Variants in ADGRL3 observed in about 807,000 individuals in gnomAD.
The protein encoded by ADGRL3 is adhesion G protein-coupled receptor L3.
ADGRL3 carries 62 observed loss-of-function variants against 153.5 expected under a neutral mutation model. The ratio of observed to expected loss-of-function variants is 0.40; its 90% CI spans 0.33 to 0.50. The LOEUF is 0.50. ADGRL3 is among the 20% of genes least tolerant of loss of function. The probability of loss-of-function intolerance (pLI) is 0.47; values close to 1 mark genes in which losing one functional copy is unlikely to be tolerated. For missense variants in ADGRL3, 1,641 were observed against 1,859.4 expected (o/e 0.88, Z 2.16); for synonymous variants, 710 against 672.5 (o/e 1.06, Z -0.86).
intron 8 of ADGRL3, among the ~76,000 whole-genome samples, chr4:61,761,423 G>A (rs1030083339): frequency 6.6e-6 from 1 of 152,142 alleles, no homozygotes; most frequent in Non-Finnish European, 1.5e-5. Context: ...GCATGATCTT[G>A]GGTTAGTTTT....
intron 1 of ADGRL3, among the ~76,000 whole-genome samples, chr4:61,219,810 A>C (rs1378786676): frequency 6.6e-6 from 1 of 152,108 alleles, no homozygotes; most frequent in African/African-American, 2.4e-5. Context: ...CAAACCTCTG[A>C]AAATATAAAG....
At chr4:61,865,027 T>C (rs1256263043) in intron 9 of ADGRL3, among the ~76,000 whole-genome samples, 2 of 152,206 alleles carry the variant, frequency 1.3e-5, no homozygotes, top group Non-Finnish European at 2.9e-5. Context: ...TAGGGTAAAC[T>C]ATAGAAGCTC....
At chr4:62,005,813 T>G (rs1581841480) in intron 21 of ADGRL3, among the ~76,000 whole-genome samples, 1 of 151,192 alleles carries the variant, frequency 6.6e-6, no homozygotes, top group East Asian at 1.9e-4. Flanking sequence ...ATATTTTAAT[T>G]TTAATTTTAA....
rs150161623 is a variant in ADGRL3, at chr4:61,656,361, GT to G, written c.474-20464del. ...AAGTACAATGAAGGTACTTTTTTTT[GT>G]GGGGGGGGTGAAATATACAAAAGCC... On this transcript the variant is annotated intron_variant, in intron 5 of 26. Transcript: ENST00000683033. Among the ~76,000 whole-genome samples, 131 of 151,408 alleles carry G rather than the reference GT, an allele frequency of 8.7e-4. 2 individuals are homozygous for G. The highest frequency in any genetic ancestry group is 3.1e-3 in the African/African-American group (128 of 41,114).
At chr4:62,005,102 T>G (rs1415443625) in intron 21 of ADGRL3, among the ~76,000 whole-genome samples, 1 of 152,170 alleles carries the variant, frequency 6.6e-6, no homozygotes, top group African/African-American at 2.4e-5. Context: ...CTGATTGCCT[T>G]AATTTTAGCA....
In ADGRL3 at chr4:61,396,790, C is replaced by G. The variant is rs184398665; in HGVS notation, c.-174+13601C>G. Among the ~76,000 whole-genome samples the G allele has an allele frequency of 1.8e-4, 28 of 151,808 alleles. No individual in the cohort carries two copies. The East Asian group carries it at 5.4e-3, about 29-fold the overall frequency. ...AAATGGATTCATTTATAATTCAATGCTAATAACATGTATTTTCATAGTACT... is the reference window on the plus strand; with the variant it reads ...AAATGGATTCATTTATAATTCAATGGTAATAACATGTATTTTCATAGTACT... On this transcript the variant is annotated intron_variant, in intron 2 of 26. Coordinates refer to ENST00000683033, the MANE Select transcript of ADGRL3 (RefSeq NM_001387552.1).
chr4:61,616,577 C>T (rs192780040), intron 5 of ADGRL3, among the ~76,000 whole-genome samples: 3 of 152,212 alleles, frequency 2.0e-5, no homozygotes, highest in African/African-American at 7.2e-5. Context: ...AACAGTGCTG[C>T]CAGTTGGAAA....
At chr4:61,630,215 A>G (rs984416492) in intron 5 of ADGRL3, among the ~76,000 whole-genome samples, 5 of 152,190 alleles carry the variant, frequency 3.3e-5, no homozygotes, top group African/African-American at 4.8e-5. Context: ...TACACATGTA[A>G]TATTTCAGGC....
At chr4:61,581,717 A>G (rs1365658531) in intron 4 of ADGRL3, among the ~76,000 whole-genome samples, 1 of 152,068 alleles carries the variant, frequency 6.6e-6, no homozygotes, top group African/African-American at 2.4e-5. Flanking sequence ...TTGTATATTT[A>G]ACTTCCTACC....
chr4:61,884,497 T>C (rs2098525828), intron 9 of ADGRL3, among the ~76,000 whole-genome samples: 2 of 152,326 alleles, frequency 1.3e-5, no homozygotes, highest in South Asian at 4.1e-4. Flanking sequence ...AACAGTTTTT[T>C]CCTTAGGTGG....
intron 2 of ADGRL3, among the ~76,000 whole-genome samples, chr4:61,433,133 C>T (rs2097396260): frequency 6.6e-6 from 1 of 151,988 alleles, no homozygotes. Flanking sequence ...GTTATGGGCT[C>T]ATTATATATA....
At chr4:61,770,803 A>T (rs1231190620) in intron 8 of ADGRL3, among the ~76,000 whole-genome samples, 1 of 152,218 alleles carries the variant, frequency 6.6e-6, no homozygotes, top group African/African-American at 2.4e-5. Context: ...CATATTTCCA[A>T]CTAAAATGGA....
intron 4 of ADGRL3, among the ~76,000 whole-genome samples, chr4:61,520,464 ACTC>A (rs2098523256): frequency 6.6e-6 from 1 of 152,008 alleles, no homozygotes; most frequent in Non-Finnish European, 1.5e-5. Context: ...CATCTGAAAA[ACTC>A]TACTCTGGGC....
intron 1 of ADGRL3, among the ~76,000 whole-genome samples, chr4:61,290,177 A>G (rs1015921376): frequency 6.6e-6 from 1 of 152,080 alleles, no homozygotes; most frequent in Non-Finnish European, 1.5e-5. Flanking sequence ...GGATCATTGA[A>G]TTATGTTGAT....
intron 2 of ADGRL3, among the ~76,000 whole-genome samples, chr4:61,396,702 CATTATT>C (rs1238585188): frequency 6.6e-6 from 1 of 151,898 alleles, no homozygotes; most frequent in Admixed American, 6.6e-5. Flanking sequence ...AAATCTTTGT[CATTATT>C]ATTAATGCAT....
chr4:61,301,093 A>C (rs2094569779), intron 1 of ADGRL3, among the ~76,000 whole-genome samples: 1 of 152,176 alleles, frequency 6.6e-6, no homozygotes, highest in African/African-American at 2.4e-5. Flanking sequence ...CTAGCATAAA[A>C]TAATTGCTTA....
intron 4 of ADGRL3, among the ~76,000 whole-genome samples, chr4:61,566,571 G>T (rs2098817160): frequency 6.6e-6 from 1 of 152,062 alleles, no homozygotes; most frequent in African/African-American, 2.4e-5. Context: ...ACCTTTTCGT[G>T]GTATCTGTGG....
chr4:61,280,379 T>A (rs953428150), intron 1 of ADGRL3, among the ~76,000 whole-genome samples: 1 of 151,664 alleles, frequency 6.6e-6, no homozygotes, highest in Non-Finnish European at 1.5e-5. Context: ...AGTGCTGGGA[T>A]TTCAGGCATG....
chr4:61,582,302 G>A (rs923135339), intron 4 of ADGRL3, among the ~76,000 whole-genome samples: 8 of 151,950 alleles, frequency 5.3e-5, no homozygotes, highest in South Asian at 2.1e-4. Context: ...GTATTAAGCC[G>A]TGCATGCTTT....
Sources: allele counts gnomAD v4.1 joint callset (sites outside exome capture counted in the v4.1 genomes callset), GRCh38; gene constraint gnomAD v4.1.1; transcripts MANE v1.5; gene names NCBI Gene and HGNC (gene_info 2026-07-23, HGNC 2026-07-21).